FAM168A: variants seen among roughly 807,000 people sequenced by gnomAD.
FAM168A encodes protein FAM168A.
FAM168A carries 3 observed loss-of-function variants against 28.5 expected under a neutral mutation model. That is an observed-to-expected ratio of 0.11 (90% CI 0.05 to 0.27). FAM168A has a LOEUF of 0.27. FAM168A is among the 10% of genes least tolerant of loss of function. The pLI, the probability that FAM168A is intolerant of heterozygous loss-of-function variation, is 1.00. For synonymous variants in FAM168A, 122 were observed against 124.2 expected (o/e 0.98, Z 0.12); for missense variants, 222 against 311.5 (o/e 0.71, Z 2.16).
intron 1 of FAM168A, chr11:73,580,395 G>T: frequency 1.6e-6 from 1 of 619,656 alleles, no homozygotes. Flanking sequence ...GCAAAGAAGG[G>T]AGAGAAGGTA....
chr11:73,437,523 C>G (rs1370575125), intron 2 of FAM168A, among the ~76,000 whole-genome samples: 1 of 150,364 alleles, frequency 6.7e-6, no homozygotes, highest in East Asian at 2.0e-4. Context: ...TCTGCCTCAG[C>G]CTCCCGCAGC....
intron 1 of FAM168A, among the ~76,000 whole-genome samples, chr11:73,560,841 T>G (rs543060939): frequency 6.6e-6 from 1 of 152,086 alleles, no homozygotes; most frequent in African/African-American, 2.4e-5. Context: ...GGCGGGCACA[T>G]AGCCTGAGAC....
chr11:73,558,265 T>A (rs1943913048), intron 1 of FAM168A, among the ~76,000 whole-genome samples: 1 of 151,952 alleles, frequency 6.6e-6, no homozygotes, highest in African/African-American at 2.4e-5. Context: ...GAATTCAACA[T>A]CAGCTTGGGC....
intron 3 of FAM168A, among the ~76,000 whole-genome samples, chr11:73,427,379 A>G (rs1214565842): frequency 1.4e-5 from 2 of 142,688 alleles, no homozygotes; most frequent in Non-Finnish European, 3.0e-5. Context: ...TTAAAGCTGA[A>G]TAACATGCCA....
intron 1 of FAM168A, among the ~76,000 whole-genome samples, chr11:73,506,356 G>A (rs1226021930): frequency 2.0e-5 from 3 of 151,508 alleles, no homozygotes; most frequent in African/African-American, 4.9e-5. Context: ...CTCCAGTGGC[G>A]CAATCAGTTA....
chr11:73,484,709 TAG>T (rs1231197071), intron 1 of FAM168A, among the ~76,000 whole-genome samples: 1 of 132,014 alleles, frequency 7.6e-6, no homozygotes, highest in Non-Finnish European at 1.5e-5. Flanking sequence ...TAGATATATA[TAG>T]ATATATATAT....
At chr11:73,423,102 C>T in intron 3 of FAM168A, among the ~76,000 whole-genome samples, 1 of 152,224 alleles carries the variant, frequency 6.6e-6, no homozygotes. Context: ...CAATAATCAT[C>T]ACTCCTTGAT....
At chr11:73,417,998 G>T (rs1207595888) in intron 4 of FAM168A, among the ~76,000 whole-genome samples, 1 of 152,102 alleles carries the variant, frequency 6.6e-6, no homozygotes, top group South Asian at 2.1e-4. Flanking sequence ...AGGCCTCATC[G>T]TTCAAACTGG....
intron 1 of FAM168A, among the ~76,000 whole-genome samples, chr11:73,549,521 G>A (rs1402725025): frequency 6.6e-6 from 1 of 152,200 alleles, no homozygotes; most frequent in Non-Finnish European, 1.5e-5. Flanking sequence ...ACTGCAGAAA[G>A]TTCTGCAGGA....
chr11:73,486,125 T>C (rs1473266860), intron 1 of FAM168A, among the ~76,000 whole-genome samples: 1 of 152,200 alleles, frequency 6.6e-6, no homozygotes, highest in African/African-American at 2.4e-5. Flanking sequence ...ATGGTTGACT[T>C]AGTTTAGACA....
chr11:73,581,540 T>C (rs1007800134), intron 1 of FAM168A, among the ~76,000 whole-genome samples: 1 of 152,202 alleles, frequency 6.6e-6, no homozygotes. Context: ...GTGGCTAAGC[T>C]GGGGTTCAAA....
intron 1 of FAM168A, among the ~76,000 whole-genome samples, chr11:73,506,867 A>C (rs1855126082): frequency 6.6e-6 from 1 of 152,198 alleles, no homozygotes; most frequent in Non-Finnish European, 1.5e-5. Context: ...AAATTCATAA[A>C]AAGCTTCATT....
chr11:73,519,620 G>C (rs1337604961), intron 1 of FAM168A, among the ~76,000 whole-genome samples: 4 of 152,170 alleles, frequency 2.6e-5, no homozygotes, highest in African/African-American at 7.2e-5. Flanking sequence ...AGCCATGATG[G>C]AGAGAGGAAC....
chr11:73,466,561 A>G (rs575668257), intron 2 of FAM168A, among the ~76,000 whole-genome samples: 65 of 152,286 alleles, frequency 4.3e-4, no homozygotes, highest in African/African-American at 1.4e-3. Flanking sequence ...ACATAACCAT[A>G]TAAATGCTTA....
intron 1 of FAM168A, among the ~76,000 whole-genome samples, chr11:73,541,272 G>A (rs1011338184): frequency 3.3e-5 from 5 of 149,626 alleles, no homozygotes; most frequent in African/African-American, 1.3e-4. Flanking sequence ...AAAGGTAGTT[G>A]CTATATAATA....
intron 1 of FAM168A, among the ~76,000 whole-genome samples, chr11:73,472,547 T>C (rs553386349): frequency 3.3e-5 from 5 of 151,938 alleles, no homozygotes; most frequent in Non-Finnish European, 4.4e-5. Context: ...CAAAGAAGAG[T>C]GAAATTATTT....
intron 1 of FAM168A, among the ~76,000 whole-genome samples, chr11:73,477,002 G>GA (rs1396880769): frequency 6.6e-6 from 1 of 151,956 alleles, no homozygotes; most frequent in Non-Finnish European, 1.5e-5. Context: ...AATTAGGTGG[G>GA]AAAAATGGGA....
chr11:73,429,019 C>T (rs1389497427), intron 3 of FAM168A, among the ~76,000 whole-genome samples: 1 of 152,120 alleles, frequency 6.6e-6, no homozygotes. Context: ...AAAACAGGGG[C>T]TGTCTGATAA....
chr11:73,517,775 C>T (rs964318111), intron 1 of FAM168A, among the ~76,000 whole-genome samples: 7 of 152,224 alleles, frequency 4.6e-5, no homozygotes, highest in East Asian at 1.9e-4. Context: ...TTTTTTAACA[C>T]GAAGGCAGAT....
Sources: gnomAD v4.1 joint callset for allele counts (sites outside exome capture counted in the v4.1 genomes callset) on GRCh38, gnomAD v4.1.1 for gene constraint, MANE v1.5 for transcripts, NCBI Gene and HGNC (gene_info 2026-07-23, HGNC 2026-07-21) for gene names.